CACNB2: variants seen among roughly 807,000 people sequenced by gnomAD.
The protein encoded by CACNB2 is calcium voltage-gated channel auxiliary subunit beta 2.
Under a neutral mutation model 73.3 loss-of-function variants are expected in CACNB2, and 42 were observed. That is an observed-to-expected ratio of 0.57 (90% CI 0.45 to 0.74). CACNB2 has a LOEUF of 0.74. Among genes scored for constraint, CACNB2 ranks in the 30% least tolerant of loss-of-function variants. The pLI, the probability that CACNB2 is intolerant of heterozygous loss-of-function variation, is 0.00. For synonymous variants in CACNB2, 348 were observed against 310.3 expected, an observed-to-expected ratio of 1.12 and a Z score of -1.28; for missense variants, 940 against 853.0, an observed-to-expected ratio of 1.10 and a Z score of -1.27.
chr10:18,164,579 C>A (rs1232859053), intron 2 of CACNB2, among the ~76,000 whole-genome samples: 1 of 151,870 alleles, frequency 6.6e-6, no homozygotes. Context: ...TTCATTGTTT[C>A]TGGCTCTTGC....
chr10:18,485,141 T>TA (rs1471152627), intron 3 of CACNB2, among the ~76,000 whole-genome samples: 1 of 152,098 alleles, frequency 6.6e-6, no homozygotes, highest in South Asian at 2.1e-4. Flanking sequence ...GACCCTGTCT[T>TA]AAAAAAAGTA....
At chr10:18,495,555 G>GTT (rs2049747904) in intron 3 of CACNB2, among the ~76,000 whole-genome samples, 2 of 85,320 alleles carry the variant, frequency 2.3e-5, no homozygotes, top group African/African-American at 1.1e-4. Flanking sequence ...CTGTGTGTGT[G>GTT]TGTGTGTGTG....
chr10:18,279,702 A>T (rs1049705859), intron 2 of CACNB2, among the ~76,000 whole-genome samples: 4 of 152,258 alleles, frequency 2.6e-5, no homozygotes, highest in African/African-American at 9.6e-5. Context: ...AACCTGTTAG[A>T]AATACTCAGC....
intron 2 of CACNB2, among the ~76,000 whole-genome samples, chr10:18,391,978 A>G (rs1055276105): frequency 5.9e-5 from 9 of 151,990 alleles, no homozygotes; most frequent in Non-Finnish European, 2.9e-5. Flanking sequence ...AAAAAGTAGA[A>G]CAGGGTAAGT....
At position 18,203,477 on chromosome 10, in the gene CACNB2, A is replaced by G. The variant is rs537296241; in HGVS notation, c.213+52502A>G. Among the ~76,000 whole-genome samples, 6 of 152,312 alleles carry G rather than the reference A, an allele frequency of 3.9e-5. No individual in the cohort carries two copies. The East Asian group carries it at 1.2e-3, about 29-fold the overall frequency. ...GAGAGCAGAAAAGCTTTCCTTATAAAGGTAGCAATTTTATTCAAGATTAAA... is the reference window on the plus strand; with the variant it reads ...GAGAGCAGAAAAGCTTTCCTTATAAGGGTAGCAATTTTATTCAAGATTAAA... On this transcript the variant is annotated intron_variant, in intron 2 of 13. Transcript: ENST00000324631.
At chr10:18,538,759 G>C (rs531266776) in intron 13 of CACNB2, among the ~76,000 whole-genome samples, 1 of 152,126 alleles carries the variant, frequency 6.6e-6, no homozygotes, top group Non-Finnish European at 1.5e-5. Context: ...TGATCTTATA[G>C]GGCTGTTGTA....
At chr10:18,466,885 G>A (rs946969389) in intron 3 of CACNB2, among the ~76,000 whole-genome samples, 2 of 152,060 alleles carry the variant, frequency 1.3e-5, no homozygotes, top group Admixed American at 6.6e-5. Flanking sequence ...GCTGGGTGTG[G>A]TTCTCACACC....
rs869025370 is a variant in CACNB2 at position 18,538,276 on chromosome 10, C to G, written c.1399C>G (p.Pro467Ala). The change falls in exon 13 of 14, where the codon CCC becomes GCC. Residue 467 changes from proline (P) to alanine (A), a missense_variant. Pro to Ala is a conservative substitution (Grantham distance 27). Transcript: ENST00000324631. ...LEAYWKATHP[P>A]SSSLPNPLLS... Reference sequence around the variant, plus strand: ...GGCCTACTGGAAGGCCACCCATCCTCCCAGCAGTAGCCTCCCCAACCCTCT... The same window carrying G: ...GGCCTACTGGAAGGCCACCCATCCTGCCAGCAGTAGCCTCCCCAACCCTCT... The G allele has an allele frequency of 6.2e-7, 1 of 1,614,038 alleles. No homozygotes were observed. The highest frequency in any genetic ancestry group is 1.3e-5 in the African/African-American group (1 of 74,924).
intron 3 of CACNB2, among the ~76,000 whole-genome samples, chr10:18,402,542 G>A (rs1342893354): frequency 6.6e-6 from 1 of 152,096 alleles, no homozygotes; most frequent in African/African-American, 2.4e-5. Context: ...AGCAACAGAG[G>A]ATTTTATTGA....
At chr10:18,529,699 C>G (rs1300545750) in intron 10 of CACNB2, among the ~76,000 whole-genome samples, 1 of 152,178 alleles carries the variant, frequency 6.6e-6, no homozygotes, top group East Asian at 1.9e-4. Context: ...GATGACATGA[C>G]AGAGAGAGGC....
intron 3 of CACNB2, among the ~76,000 whole-genome samples, chr10:18,414,055 G>A (rs2044789886): frequency 6.6e-6 from 1 of 152,254 alleles, no homozygotes; most frequent in Non-Finnish European, 1.5e-5. Context: ...GGTGACTGCT[G>A]TAAGGTAGAT....
intron 2 of CACNB2, among the ~76,000 whole-genome samples, chr10:18,154,155 A>G (rs1380494706): frequency 1.3e-5 from 2 of 152,066 alleles, no homozygotes; most frequent in Admixed American, 1.3e-4. Flanking sequence ...ACAGTATATG[A>G]TTTGAAAGAA....
At chr10:18,374,520 A>G (rs2132315859) in intron 2 of CACNB2, among the ~76,000 whole-genome samples, 1 of 152,304 alleles carries the variant, frequency 6.6e-6, no homozygotes, top group Admixed American at 6.5e-5. Context: ...TTGAGCCCAG[A>G]AGTTTAAGAC....
At chr10:18,179,305 G>A (rs2033760213) in intron 2 of CACNB2, among the ~76,000 whole-genome samples, 1 of 152,180 alleles carries the variant, frequency 6.6e-6, no homozygotes, top group East Asian at 1.9e-4. Context: ...TTGTAGGGAG[G>A]TGATAGCTTT....
At chr10:18,280,652 G>A (rs2038502717) in intron 2 of CACNB2, among the ~76,000 whole-genome samples, 1 of 152,120 alleles carries the variant, frequency 6.6e-6, no homozygotes, top group South Asian at 2.1e-4. Context: ...TGGCAGCCCT[G>A]TCTTCACTGT....
intron 2 of CACNB2, chr10:18,260,368 G>A: frequency 1.1e-6 from 1 of 883,524 alleles, no homozygotes; most frequent in Non-Finnish European, 1.4e-6. Context: ...ATGAATTAAT[G>A]AGGTCTGAGT....
intron 2 of CACNB2, among the ~76,000 whole-genome samples, chr10:18,168,306 G>T (rs1214800570): frequency 1.3e-5 from 2 of 152,082 alleles, no homozygotes; most frequent in Admixed American, 1.3e-4. Context: ...AGCTTGGGAG[G>T]CTGTTAATGA....
At chr10:18,210,523 C>G (rs57461028) in intron 2 of CACNB2, among the ~76,000 whole-genome samples, 10,478 of 151,936 alleles carry the variant, frequency 0.069, 1,066 homozygotes, top group African/African-American at 0.23. Flanking sequence ...AGTTAAGAAC[C>G]CAGGGATTAG....
In CACNB2 at chr10:18,534,128, G is replaced by T. The variant is rs2053328470; in HGVS notation, c.1107G>T (p.Gln369His). 1.2e-6 allele frequency: 2 copies of T among 1,613,810 alleles called. No homozygotes were observed. The highest frequency in any genetic ancestry group is 1.3e-5 in the African/African-American group (1 of 74,912). Residue 369 changes from glutamine (Q) to histidine (H), a missense_variant, in exon 11 of 14, where the codon CAG becomes CAT. Gln to His is a conservative substitution (Grantham distance 24). Coordinates refer to ENST00000324631, the MANE Select transcript of CACNB2 (RefSeq NM_201596.3). ...ERIFELARTL[Q>H]LVVLDADTIN... The stretch of plus-strand genomic sequence containing the variant: ...TTTTTGAACTTGCAAGAACATTGCA[G>T]TTGGTGGTCCTTGACGCGGATACAA...
Sources: gnomAD v4.1 joint callset for allele counts (sites outside exome capture counted in the v4.1 genomes callset) on GRCh38, gnomAD v4.1.1 for gene constraint, MANE v1.5 for transcripts, NCBI Gene and HGNC (gene_info 2026-07-23, HGNC 2026-07-21) for gene names.